Variants in COPG1 observed in about 807,000 individuals in gnomAD.
The protein encoded by COPG1 is coat protein complex I subunit gamma 1, also known as coatomer subunit gamma-1.
In COPG1, 29 loss-of-function variants were observed where a neutral mutation model predicts 102.8. The ratio of observed to expected loss-of-function variants is 0.28; its 90% CI spans 0.21 to 0.38. The LOEUF (loss-of-function observed/expected upper bound fraction) is 0.38, where lower values mean the gene tolerates loss of function less well. Ranked by LOEUF, COPG1 falls within the 10% of genes least tolerant of loss-of-function variation. COPG1 has a pLI of 1.00. For missense variants in COPG1, 875 were observed against 1,132.7 expected (o/e 0.77, Z 3.27); for synonymous variants, 406 against 421.6 (o/e 0.96, Z 0.45).
chr3:129,265,610 C>G lies in COPG1; in HGVS notation c.1286C>G (p.Ser429Ter). The change falls in exon 14 of 24, where the codon TCA becomes TGA. Residue 429 changes from serine to a stop codon, truncating the protein, a stop_gained. Coordinates refer to ENST00000314797, the MANE Select transcript of COPG1 (RefSeq NM_016128.4). LOFTEE classifies it high-confidence loss of function. ...DCIISIIEEN[S>*]ESKETGLSHL... ...ATCATCAGCATCATTGAAGAGAACT[C>G]AGAGAGCAAGGAGACAGGGCTGTCA... 6.2e-7 allele frequency: 1 copy of G among 1,614,208 alleles called. No homozygotes were observed. Among genetic ancestry groups the G allele is most frequent in the East Asian group, 2.2e-5 (1 of 44,882 alleles).
rs1173404263 is a variant in COPG1 at position 129,257,856 on chromosome 3, G to A, written c.867G>A (p.Val289=). The A allele has an allele frequency of 2.5e-6, 4 of 1,613,030 alleles. No individual in the cohort carries two copies. The African/African-American group carries it at 4.0e-5, about 16-fold the overall frequency. The change falls in exon 10 of 24, where the codon GTG becomes GTA. Residue 289 remains valine (V), a synonymous_variant. Transcript: ENST00000314797. Reference sequence around the variant, plus strand: ...GTGCCAAAGAGCTGGCCCCGGCTGTGTCAGGTCACTGGGCATTCCTTCACC... The same window carrying A: ...GTGCCAAAGAGCTGGCCCCGGCTGTATCAGGTCACTGGGCATTCCTTCACC... ...GCSAKELAPA[V]SVLQLFCSSP...
chr3:129,251,457 A>C (rs538164421), intron 2 of COPG1, among the ~76,000 whole-genome samples: 1 of 151,000 alleles, frequency 6.6e-6, no homozygotes, highest in South Asian at 2.1e-4. Context: ...TCTCGGCTCA[A>C]CTGCAACCTC....
At chr3:129,255,769 C>T (rs1939797754) in intron 7 of COPG1, among the ~76,000 whole-genome samples, 1 of 152,212 alleles carries the variant, frequency 6.6e-6, no homozygotes. Flanking sequence ...AAAGCGTGAG[C>T]CACCGCACCT....
chr3:129,266,250 C>G (rs749481677), intron 14 of COPG1, among the ~76,000 whole-genome samples: 12 of 152,078 alleles, frequency 7.9e-5, no homozygotes, highest in Non-Finnish European at 1.6e-4. Flanking sequence ...GGATTACAGG[C>G]GTGAGCCACC....
chr3:129,257,992 G>A (rs933375342), intron 10 of COPG1, 132 bp downstream of exon 10: 21 of 1,135,454 alleles, frequency 1.8e-5, no homozygotes, highest in South Asian at 9.1e-5. Flanking sequence ...GGAAGCACCT[G>A]CCCCAGACAC....
Position 129,256,397 on chromosome 3 carries a change from A to G in COPG1, c.579+243A>G, listed in dbSNP as rs1003583738. Among the ~76,000 whole-genome samples, 8 of 152,376 alleles carry G rather than the reference A, an allele frequency of 5.3e-5. No individual in the cohort carries two copies. In the Middle Eastern group the frequency reaches 0.014, roughly 259 times the overall value. On this transcript the variant is annotated intron_variant, in intron 8 of 23. Coordinates refer to ENST00000314797, the MANE Select transcript of COPG1 (RefSeq NM_016128.4). ...GGTGCTGAAATATTCAAGTATTTTG[A>G]TAACCAGCTGAGTATTGTTTTGGAG...
At chr3:129,250,790 A>G (rs922144335) in intron 2 of COPG1, 56 bp downstream of exon 2, 4 of 1,427,964 alleles carry the variant, frequency 2.8e-6, no homozygotes, top group East Asian at 4.5e-5. Context: ...CACCAATGCA[A>G]CTGAAATACC....
At chr3:129,260,293 A>C in intron 10 of COPG1, 40 bp from the exon 11 acceptor site, 1 of 1,595,406 alleles carries the variant, frequency 6.3e-7, no homozygotes. Flanking sequence ...GCTGCCCAGC[A>C]GTGAAGGCAA....
chr3:129,273,076 G>A (rs1251646665), intron 21 of COPG1, among the ~76,000 whole-genome samples, 172 bp downstream of exon 21: 2 of 152,102 alleles, frequency 1.3e-5, no homozygotes, highest in Admixed American at 6.6e-5. Context: ...AGGCTGGAGT[G>A]CAGTGGCGCG....
At chr3:129,273,428 AT>A (rs749008918) in intron 21 of COPG1, among the ~76,000 whole-genome samples, 15 of 152,236 alleles carry the variant, frequency 9.9e-5, no homozygotes, top group Non-Finnish European at 1.8e-4. Context: ...ACAGGAAAAC[AT>A]TACTCATAAT....
chr3:129,262,826 C>T (rs941340738), intron 12 of COPG1, among the ~76,000 whole-genome samples: 1 of 151,666 alleles, frequency 6.6e-6, no homozygotes, highest in Non-Finnish European at 1.5e-5. Flanking sequence ...TGAGATCAGC[C>T]TGGCCAACAT....
chr3:129,270,040 C>G (rs892610363), intron 18 of COPG1, among the ~76,000 whole-genome samples: 9 of 142,746 alleles, frequency 6.3e-5, no homozygotes, highest in Admixed American at 6.2e-4. Flanking sequence ...GAAGAGGCCA[C>G]ACTCCTGGCC....
intron 12 of COPG1, among the ~76,000 whole-genome samples, chr3:129,263,166 A>G (rs547454931): frequency 5.9e-5 from 9 of 152,072 alleles, no homozygotes; most frequent in Non-Finnish European, 1.2e-4. Context: ...TTGAGGGATA[A>G]TGCCTGTTGG....
chr3:129,272,578 A>AT (rs1196672986), intron 20 of COPG1, among the ~76,000 whole-genome samples, 163 bp downstream of exon 20: 10 of 149,916 alleles, frequency 6.7e-5, no homozygotes, highest in Non-Finnish European at 1.2e-4. Flanking sequence ...TTCTTTAAAA[A>AT]TTTTTTTTTT....
intron 12 of COPG1, among the ~76,000 whole-genome samples, chr3:129,261,467 C>A (rs1256270631): frequency 2.0e-5 from 3 of 152,232 alleles, no homozygotes; most frequent in Admixed American, 2.0e-4. Context: ...GGCCCATGGT[C>A]AGGTAAAGAG....
intron 15 of COPG1, 79 bp from the exon 16 acceptor site, chr3:129,267,858 C>A: frequency 1.8e-6 from 2 of 1,106,728 alleles, no homozygotes; most frequent in Non-Finnish European, 1.4e-6. Context: ...TATGGACTTA[C>A]CTCTAATGAA....
chr3:129,256,476 C>T (rs1044364450), intron 8 of COPG1, among the ~76,000 whole-genome samples: 5 of 152,354 alleles, frequency 3.3e-5, no homozygotes, highest in South Asian at 4.1e-4. Flanking sequence ...TAAATTTAGG[C>T]CTTTGCCAGC....
At chr3:129,257,662 C>G (rs767690538) in intron 9 of COPG1, 35 bp downstream of exon 9, 2 of 1,613,826 alleles carry the variant, frequency 1.2e-6, no homozygotes, top group African/African-American at 2.7e-5. Flanking sequence ...CTAGATGATG[C>G]CTCACTCATC....
Position 129,275,061 on chromosome 3 carries a change from A to C in COPG1, c.2395+85A>C, listed in dbSNP as rs556711537. The C allele has an allele frequency of 1.9e-6, 3 of 1,546,508 alleles. No individual in the cohort carries two copies. Among genetic ancestry groups the C allele is most frequent in the East Asian group, 2.3e-5 (1 of 44,418 alleles). ...TGAAGTGCTCATCCCTTTTCTCTCC[A>C]AGGATCCAGGGCCATGTCTGGAGCA... On this transcript the variant is annotated intron_variant, in intron 22 of 23. Transcript: ENST00000314797. This position sits in a 1 kb window ranked among gnomAD's most constrained non-coding sequence, Gnocchi z 5.0.
Sources: gnomAD v4.1 joint callset for allele counts (sites outside exome capture counted in the v4.1 genomes callset) on GRCh38, gnomAD v4.1.1 for gene constraint, Gnocchi (gnomAD v3.1) non-coding constraint, MANE v1.5 for transcripts, NCBI Gene and HGNC (gene_info 2026-07-23, HGNC 2026-07-21) for gene names.